CYP39A1: variants seen among roughly 807,000 people sequenced by gnomAD.
CYP39A1 encodes the protein cytochrome P450 family 39 subfamily A member 1, also known as 24-hydroxycholesterol 7-alpha-hydroxylase.
CYP39A1 carries 49 observed loss-of-function variants against 58.1 expected under a neutral mutation model. That is an observed-to-expected ratio of 0.84 (90% CI 0.67 to 1.07). CYP39A1 has a LOEUF of 1.07. CYP39A1 is among the 50% of genes least tolerant of loss of function. The pLI, the probability that CYP39A1 is intolerant of heterozygous loss-of-function variation, is 0.00. For missense variants in CYP39A1, 531 were observed against 539.4 expected, an observed-to-expected ratio of 0.98 and a Z score of 0.16; for synonymous variants, 209 against 187.6, an observed-to-expected ratio of 1.11 and a Z score of -0.93.
At chr6:46,575,721 C>T (rs1401699253) in intron 10 of CYP39A1, among the ~76,000 whole-genome samples, 1 of 152,192 alleles carries the variant, frequency 6.6e-6, no homozygotes, top group Non-Finnish European at 1.5e-5. Flanking sequence ...CGCTCCAGCA[C>T]AGCCCGTGCT....
At chr6:46,566,712 A>C (rs919172236) in intron 10 of CYP39A1, among the ~76,000 whole-genome samples, 2 of 152,118 alleles carry the variant, frequency 1.3e-5, no homozygotes, top group Non-Finnish European at 2.9e-5. Flanking sequence ...ATTAAGTTTA[A>C]GTACTTGCAA....
chr6:46,652,530 A>G lies in CYP39A1; in HGVS notation c.53T>C (p.Phe18Ser). ...CAAATTCTTCCGCTGAAGGAGTAAG[A>G]ACAGAGCAAGGCAACCCAGGATTAT... ...VIIILGCLAL[F>S]LLLQRKNLRR... is the part of the protein sequence containing the mutation. Residue 18 changes from phenylalanine to serine, a missense_variant, in exon 1 of 12, where the codon TTC (phenylalanine) becomes TCC (serine). Coordinates refer to ENST00000275016, the MANE Select transcript of CYP39A1 (RefSeq NM_016593.5). 6 of 1,613,582 alleles carry G rather than the reference A, an allele frequency of 3.7e-6. No individual in the cohort carries two copies. The highest frequency in any genetic ancestry group is 5.1e-6 in the Non-Finnish European group (6 of 1,179,816).
intron 10 of CYP39A1, among the ~76,000 whole-genome samples, chr6:46,564,087 GTTTTT>G (rs148402829): frequency 0.17 from 23,440 of 141,826 alleles, 4,928 homozygotes; most frequent in African/African-American, 0.46. Flanking sequence ...GACCTAGTTT[GTTTTT>G]TATTTTGTAT....
chr6:46,579,058 C>A (rs1360428593), intron 10 of CYP39A1, among the ~76,000 whole-genome samples: 1 of 152,010 alleles, frequency 6.6e-6, no homozygotes, highest in African/African-American at 2.4e-5. Flanking sequence ...TGCAACAATT[C>A]TCAACAAAAT....
At chr6:46,582,807 C>T (rs1276048880) in intron 10 of CYP39A1, among the ~76,000 whole-genome samples, 1 of 151,886 alleles carries the variant, frequency 6.6e-6, no homozygotes, top group Non-Finnish European at 1.5e-5. Flanking sequence ...GGGAATATAA[C>T]ATCCTAAAGG....
chr6:46,551,219 A>G (rs1464993125), intron 11 of CYP39A1, among the ~76,000 whole-genome samples: 1 of 152,144 alleles, frequency 6.6e-6, no homozygotes, highest in African/African-American at 2.4e-5. Flanking sequence ...GATTCTTTGG[A>G]GAGTTGAAAG....
rs1762764814 is a variant in CYP39A1 at position 46,652,509 on chromosome 6, T to C, written c.74A>G (p.Asn25Ser). 1 of 1,613,962 alleles carries C rather than the reference T, an allele frequency of 6.2e-7. No homozygotes were observed. The highest frequency in any genetic ancestry group is 8.5e-7 in the Non-Finnish European group (1 of 1,179,940). Reference protein sequence around the residue: ...LALFLLLQRKNLRRPPCIKGW... With the variant: ...LALFLLLQRKSLRRPPCIKGW... ...CTTGATGCACGGGGGTCTACGCAAA[T>C]TCTTCCGCTGAAGGAGTAAGAACAG... Residue 25 changes from asparagine (N) to serine (S), a missense_variant, in exon 1 of 12, where the codon AAT (asparagine) becomes AGT (serine). Physicochemically the swap from Asn to Ser is conservative, Grantham distance 46. Coordinates refer to ENST00000275016, the MANE Select transcript of CYP39A1 (RefSeq NM_016593.5).
intron 10 of CYP39A1, among the ~76,000 whole-genome samples, chr6:46,578,973 A>G (rs1771984081): frequency 6.6e-6 from 1 of 152,092 alleles, no homozygotes; most frequent in Non-Finnish European, 1.5e-5. Flanking sequence ...TGAGGACAGC[A>G]TCACTCTGAT....
At chr6:46,563,948 G>A (rs913380796) in intron 10 of CYP39A1, among the ~76,000 whole-genome samples, 4 of 152,016 alleles carry the variant, frequency 2.6e-5, no homozygotes, top group Admixed American at 6.6e-5. Context: ...ATGAGAGAGT[G>A]ACAATCAGAT....
chr6:46,617,633 A>G (rs1774691901), intron 7 of CYP39A1, among the ~76,000 whole-genome samples: 1 of 152,142 alleles, frequency 6.6e-6, no homozygotes, highest in African/African-American at 2.4e-5. Context: ...GCTGATTTGT[A>G]TTGTCAACTT....
intron 7 of CYP39A1, among the ~76,000 whole-genome samples, chr6:46,617,202 A>AT (rs1382579946): frequency 1.3e-5 from 2 of 152,146 alleles, no homozygotes; most frequent in African/African-American, 4.8e-5. Context: ...TGGTAGTCAT[A>AT]TTTTTTGAAT....
At chr6:46,650,393 T>A (rs1265529644) in intron 1 of CYP39A1, among the ~76,000 whole-genome samples, 1 of 150,280 alleles carries the variant, frequency 6.7e-6, no homozygotes, top group Non-Finnish European at 1.5e-5. Context: ...CTTTTTTTTT[T>A]ATCATACTGC....
intron 7 of CYP39A1, among the ~76,000 whole-genome samples, chr6:46,616,621 GCA>G (rs1457130876): frequency 1.3e-5 from 2 of 152,010 alleles, no homozygotes; most frequent in African/African-American, 4.8e-5. Context: ...AAGAATGTAA[GCA>G]CCAAGAAAAA....
intron 10 of CYP39A1, among the ~76,000 whole-genome samples, chr6:46,566,763 T>G (rs1007244792): frequency 1.3e-5 from 2 of 151,970 alleles, no homozygotes; most frequent in African/African-American, 4.8e-5. Flanking sequence ...TATAGCTCAT[T>G]GAGATAAGAT....
chr6:46,586,998 T>C, intron 10 of CYP39A1, 79 bp downstream of exon 10: 7 of 950,204 alleles, frequency 7.4e-6, no homozygotes, highest in Non-Finnish European at 1.1e-5. Flanking sequence ...ATAAAGAGAT[T>C]AAGCCAAAGT....
chr6:46,557,933 C>CAAAAAAAAAAA (rs1186594398), intron 10 of CYP39A1, among the ~76,000 whole-genome samples: 2 of 37,618 alleles, frequency 5.3e-5, no homozygotes, highest in Admixed American at 3.0e-4. Context: ...GACTCCATCT[C>CAAAAAAAAAAA]AAAAAAAAAA....
At chr6:46,559,846 A>G (rs1022921157) in intron 10 of CYP39A1, among the ~76,000 whole-genome samples, 12 of 152,244 alleles carry the variant, frequency 7.9e-5, no homozygotes, top group African/African-American at 2.7e-4. Context: ...AGTTCTAACA[A>G]TAAAATAAGA....
intron 1 of CYP39A1, among the ~76,000 whole-genome samples, chr6:46,644,321 T>G (rs1390623077): frequency 6.6e-6 from 1 of 152,212 alleles, no homozygotes. Flanking sequence ...TCCTTTATAT[T>G]TCTGAGTAGT....
chr6:46,652,751 G>C lies in CYP39A1; in HGVS notation c.-169C>G, dbSNP rs987412814. On this transcript the variant is annotated 5_prime_UTR_variant, in exon 1 of 12. It adds an upstream start codon to the 5' untranslated region. Coordinates refer to ENST00000275016, the MANE Select transcript of CYP39A1 (RefSeq NM_016593.5). ...CCTTCCTCTGTCCCAGTTTTCAGGTGATTTTTCCATTGTCGCTCCCTCCCA... is the reference window on the plus strand; with the variant it reads ...CCTTCCTCTGTCCCAGTTTTCAGGTCATTTTTCCATTGTCGCTCCCTCCCA... 4.3e-5 allele frequency: 25 copies of C among 587,646 alleles called. No homozygotes were observed. Among genetic ancestry groups the C allele is most frequent in the Non-Finnish European group, 6.8e-5 (24 of 353,774 alleles). The allele number at this position is 587,646 out of a possible 1,614,324, so 36.4% of individuals were successfully genotyped here.
Sources: gnomAD v4.1 joint callset for allele counts (sites outside exome capture counted in the v4.1 genomes callset) on GRCh38, gnomAD v4.1.1 for gene constraint, MANE v1.5 for transcripts, NCBI Gene and HGNC (gene_info 2026-07-23, HGNC 2026-07-21) for gene names.